Variants in ATP8A1 observed in about 807,000 individuals in gnomAD.
ATP8A1 encodes phospholipid-transporting ATPase IA.
In ATP8A1, 90 loss-of-function variants were observed where a neutral mutation model predicts 177.7. That is an observed-to-expected ratio of 0.51 (90% CI 0.43 to 0.60). The LOEUF (loss-of-function observed/expected upper bound fraction) is 0.60. Among genes scored for constraint, ATP8A1 ranks in the 20% least tolerant of loss-of-function variants. The pLI is 0.00. For synonymous variants in ATP8A1, 493 were observed against 485.9 expected, an observed-to-expected ratio of 1.01 and a Z score of -0.19; for missense variants, 1,072 against 1,392.8, an observed-to-expected ratio of 0.77 and a Z score of 3.67.
At chr4:42,563,011 T>C (rs1730996691) in intron 15 of ATP8A1, among the ~76,000 whole-genome samples, 1 of 152,178 alleles carries the variant, frequency 6.6e-6, no homozygotes, top group Non-Finnish European at 1.5e-5. Context: ...GGGGCACCGC[T>C]GAAAAGATAC....
intron 11 of ATP8A1, among the ~76,000 whole-genome samples, chr4:42,578,600 TAAA>T (rs570979117): frequency 5.1e-4 from 78 of 152,244 alleles, no homozygotes; most frequent in African/African-American, 1.7e-3. Context: ...AAGAGCTGTA[TAAA>T]AGTACTAAGA....
chr4:42,651,062 A>G (rs999396752), intron 1 of ATP8A1, among the ~76,000 whole-genome samples: 6 of 152,178 alleles, frequency 3.9e-5, no homozygotes, highest in South Asian at 4.1e-4. Flanking sequence ...AAGTCTCACA[A>G]GATCTGATAG....
chr4:42,604,841 C>A (rs1735634518), intron 5 of ATP8A1, among the ~76,000 whole-genome samples: 1 of 152,052 alleles, frequency 6.6e-6, no homozygotes, highest in Admixed American at 6.6e-5. Flanking sequence ...TGTTATTCTG[C>A]CATAAAAATA....
chr4:42,622,343 C>A (rs1053375181), intron 4 of ATP8A1, among the ~76,000 whole-genome samples: 1 of 151,960 alleles, frequency 6.6e-6, no homozygotes, highest in Non-Finnish European at 1.5e-5. Flanking sequence ...GATTGCGCCA[C>A]TGCACTCCAG....
chr4:42,580,669 C>A (rs2125942), intron 10 of ATP8A1, among the ~76,000 whole-genome samples: 18,317 of 152,220 alleles, frequency 0.12, 1,298 homozygotes, highest in African/African-American at 0.18. Context: ...ACAGCAATCT[C>A]GCTTGCCTAT....
intron 25 of ATP8A1, among the ~76,000 whole-genome samples, chr4:42,479,316 C>T (rs1354340466): frequency 6.6e-6 from 1 of 152,144 alleles, no homozygotes; most frequent in Non-Finnish European, 1.5e-5. Flanking sequence ...AAATATATGC[C>T]CCACCTTGCT....
chr4:42,473,631 A>T (rs71610020), intron 25 of ATP8A1, among the ~76,000 whole-genome samples: 80,361 of 150,496 alleles, frequency 0.53, 21,902 homozygotes, highest in East Asian at 0.8. Flanking sequence ...AAGTTTTTTT[A>T]TTTATTTAAT....
At chr4:42,548,079 A>G (rs941603104) in intron 19 of ATP8A1, among the ~76,000 whole-genome samples, 9 of 152,194 alleles carry the variant, frequency 5.9e-5, no homozygotes, top group Non-Finnish European at 8.8e-5. Flanking sequence ...CAGGCTTATC[A>G]CTGATTATAA....
intron 1 of ATP8A1, among the ~76,000 whole-genome samples, chr4:42,627,685 T>G (rs971411158): frequency 2.6e-5 from 4 of 152,194 alleles, no homozygotes; most frequent in African/African-American, 9.7e-5. Context: ...TCATAATCAT[T>G]GAAACAACAG....
chr4:42,518,440 T>C (rs1162672670), intron 22 of ATP8A1, among the ~76,000 whole-genome samples: 1 of 152,154 alleles, frequency 6.6e-6, no homozygotes, highest in East Asian at 1.9e-4. Context: ...GCTTAGTGGA[T>C]CCTCAGAGTC....
chr4:42,523,942 C>T (rs552101835), intron 21 of ATP8A1, among the ~76,000 whole-genome samples: 1 of 151,916 alleles, frequency 6.6e-6, no homozygotes, highest in South Asian at 2.1e-4. Flanking sequence ...CCTGAATTAA[C>T]GGGAAAAAGT....
At chr4:42,633,751 T>A (rs949906219) in intron 1 of ATP8A1, among the ~76,000 whole-genome samples, 19 of 152,140 alleles carry the variant, frequency 1.2e-4, no homozygotes, top group African/African-American at 4.6e-4. Context: ...TAGTAATGAA[T>A]GTGAGCTATT....
intron 22 of ATP8A1, among the ~76,000 whole-genome samples, 189 bp downstream of exon 22, chr4:42,521,971 A>T (rs781742368): frequency 7.9e-5 from 12 of 152,214 alleles, no homozygotes; most frequent in Non-Finnish European, 1.8e-4. Flanking sequence ...AGTAATGTCT[A>T]ACCCCAAAGG....
chr4:42,507,114 A>T lies in ATP8A1; in HGVS notation c.1988T>A (p.Leu663Ter). The T allele has an allele frequency of 6.2e-7, 1 of 1,614,014 alleles. No individual in the cohort carries two copies. The highest frequency in any genetic ancestry group is 1.7e-5 in the Admixed American group (1 of 60,014). ...LLGATAIEDK[L>*]QDQVPETIET... ...TATGGTTTCAGGCACTTGATCTTGT[A>T]ATTTATCCTCAATGGCTGTTGCTCC... The change falls in exon 23 of 37, where the codon TTA becomes TAA. Residue 663 changes from leucine to a stop codon, truncating the protein, a stop_gained. Coordinates refer to ENST00000381668, the MANE Select transcript of ATP8A1 (RefSeq NM_006095.2). LOFTEE classifies it high-confidence loss of function.
chr4:42,459,767 A>C (rs1323036514), intron 27 of ATP8A1, among the ~76,000 whole-genome samples: 1 of 151,438 alleles, frequency 6.6e-6, no homozygotes, highest in African/African-American at 2.4e-5. Flanking sequence ...ATATTTCCAC[A>C]TATTAGGTTA....
At chr4:42,435,095 C>T (rs1045934295) in intron 33 of ATP8A1, among the ~76,000 whole-genome samples, 5 of 152,250 alleles carry the variant, frequency 3.3e-5, no homozygotes, top group East Asian at 1.9e-4. Flanking sequence ...CAGTCATTGA[C>T]GAGCCCTTTA....
chr4:42,486,599 G>A lies in ATP8A1; in HGVS notation c.2152-931C>T, dbSNP rs552892434. Among the ~76,000 whole-genome samples, 63 of 152,208 alleles carry A rather than the reference G, an allele frequency of 4.1e-4. No individual in the cohort carries two copies. The South Asian group carries it at 4.1e-3, about 10-fold the overall frequency. ...TCAGTAAATTCTTTTGTTAAAAATC[G>A]TGTTAATTTATGAGCTAGTCAAAGT... On this transcript the variant is annotated intron_variant, in intron 24 of 36. Coordinates refer to ENST00000381668, the MANE Select transcript of ATP8A1 (RefSeq NM_006095.2).
At chr4:42,529,507 T>C (rs4440255) in intron 20 of ATP8A1, among the ~76,000 whole-genome samples, 20,268 of 152,202 alleles carry the variant, frequency 0.13, 1,695 homozygotes, top group East Asian at 0.26. Context: ...AAGTGGTATA[T>C]ACGTGATCAG....
In ATP8A1 at chr4:42,465,021, C is replaced by A; in HGVS notation, c.2380G>T (p.Val794Phe). Residue 794 changes from valine to phenylalanine, a missense_variant, in exon 26 of 37, where the codon GTC becomes TTC. Transcript: ENST00000381668. The stretch of plus-strand genomic sequence containing the variant: ...CCATCACCGATTGCAAGCGTTACGA[C>A]TTTGACTTGTTTCTTAACCATCTCA... ...VVEMVKKQVKVVTLAIGDGAN... is the reference protein window; with the variant it reads ...VVEMVKKQVKFVTLAIGDGAN... 1 of 1,614,196 alleles carries A rather than the reference C, an allele frequency of 6.2e-7. No homozygotes were observed. The highest frequency in any genetic ancestry group is 8.5e-7 in the Non-Finnish European group (1 of 1,180,028).
Sources: allele counts gnomAD v4.1 joint callset (sites outside exome capture counted in the v4.1 genomes callset), GRCh38; gene constraint gnomAD v4.1.1; transcripts MANE v1.5; gene names NCBI Gene and HGNC (gene_info 2026-07-23, HGNC 2026-07-21).